Variants in INTS8 observed in about 807,000 individuals in gnomAD.
INTS8 encodes the protein integrator complex subunit 8, also known as protein kaonashi-1.
A neutral mutation model predicts 138.9 loss-of-function variants in INTS8; 47 were observed. The observed-to-expected ratio is 0.34, with a 90% CI of 0.27 to 0.43. The LOEUF (loss-of-function observed/expected upper bound fraction) is 0.43, where lower values mean the gene tolerates loss of function less well. Ranked by LOEUF, INTS8 falls within the 20% of genes least tolerant of loss-of-function variation. The probability of loss-of-function intolerance (pLI) is 1.00; values close to 1 mark genes in which losing one functional copy is unlikely to be tolerated. For missense variants in INTS8, 996 were observed against 1,173.0 expected, an observed-to-expected ratio of 0.85 and a Z score of 2.20; for synonymous variants, 392 against 400.9, an observed-to-expected ratio of 0.98 and a Z score of 0.27.
intron 20 of INTS8, 194 bp downstream of exon 20, chr8:94,867,531 T>C (rs1816225788): frequency 2.0e-6 from 1 of 491,498 alleles, no homozygotes; most frequent in African/African-American, 2.1e-5. Flanking sequence ...CTTTTTTTTT[T>C]TTTTTTTTTT....
chr8:94,831,937 G>T, intron 5 of INTS8, 55 bp from the exon 6 acceptor site: 1 of 1,407,246 alleles, frequency 7.1e-7, no homozygotes, highest in Non-Finnish European at 9.5e-7. Context: ...AATATTTTTG[G>T]TTATTATAAT....
At chr8:94,878,059 T>C (rs1350176963) in intron 26 of INTS8, among the ~76,000 whole-genome samples, 1 of 152,190 alleles carries the variant, frequency 6.6e-6, no homozygotes, top group Non-Finnish European at 1.5e-5. Flanking sequence ...TCTTGATCAA[T>C]ATTTTTAGCG....
Position 94,856,788 on chromosome 8 carries a change from T to G in INTS8, c.1764T>G (p.His588Gln), listed in dbSNP as rs770370880. ...LHCSTVKDFS[H>Q]AKQLFAACLE... ...TTTTCTTTTCATAGGACTTTTCCCA[T>G]GCTAAACAGCTCTTTGCTGCTTGTT... is the stretch of plus-strand genomic sequence containing the variant. Residue 588 changes from histidine to glutamine, a missense_variant, in exon 15 of 27, where the codon CAT becomes CAG. Physicochemically the swap from His to Gln is conservative, Grantham distance 24 (BLOSUM62 0). Transcript: ENST00000523731. 1 of 1,614,152 alleles carries G rather than the reference T, an allele frequency of 6.2e-7. No individual in the cohort carries two copies. The highest frequency in any genetic ancestry group is 8.5e-7 in the Non-Finnish European group (1 of 1,179,990).
chr8:94,839,408 G>A (rs1302773235), intron 8 of INTS8, among the ~76,000 whole-genome samples: 1 of 152,136 alleles, frequency 6.6e-6, no homozygotes, highest in Non-Finnish European at 1.5e-5. Context: ...ATTCATTCAT[G>A]TTTAACTCAA....
intron 8 of INTS8, among the ~76,000 whole-genome samples, chr8:94,840,592 C>G (rs1465803723): frequency 2.2e-5 from 3 of 133,570 alleles, no homozygotes; most frequent in Non-Finnish European, 4.6e-5. Context: ...GAGTCTCACT[C>G]TGTTGCCCAG....
At chr8:94,825,587 TGATA>T (rs1814469246) in intron 2 of INTS8, among the ~76,000 whole-genome samples, 1 of 152,124 alleles carries the variant, frequency 6.6e-6, no homozygotes, top group South Asian at 2.1e-4. Context: ...TAAAAATTAA[TGATA>T]GATGTTGTGT....
At chr8:94,869,600 C>T (rs1167827388) in intron 20 of INTS8, among the ~76,000 whole-genome samples, 1 of 152,072 alleles carries the variant, frequency 6.6e-6, no homozygotes, top group African/African-American at 2.4e-5. Context: ...TCAAGCAATT[C>T]TCCTGCCTCA....
intron 26 of INTS8, 81 bp downstream of exon 26, chr8:94,876,570 AG>A: frequency 1.2e-6 from 1 of 848,716 alleles, no homozygotes. Context: ...AACAAAAAAT[AG>A]ATTTTGTGTA....
In INTS8 at chr8:94,832,048, C is replaced by T. The variant is rs140588875; in HGVS notation, c.627C>T (p.Asn209=). 1.7e-4 allele frequency: 273 copies of T among 1,612,922 alleles called. No individual in the cohort carries two copies. The highest frequency in any genetic ancestry group is 4.9e-4 in the Middle Eastern group (3 of 6,076). The change falls in exon 6 of 27, where the codon AAC becomes AAT. Residue 209 remains asparagine, a synonymous_variant. Transcript: ENST00000523731. ...ILVLEAALKL[N]KDLYVHTMRT... ...TACTAGAAGCAGCCCTAAAATTAAA[C>T]AAGGATCTTTATGTCCATACGATGA...
intron 10 of INTS8, among the ~76,000 whole-genome samples, chr8:94,843,947 A>AT (rs1815232248): frequency 6.9e-6 from 1 of 144,266 alleles, no homozygotes; most frequent in South Asian, 2.2e-4. Context: ...TCTTCATTTA[A>AT]TTTTTACTCA....
At position 94,853,872 on chromosome 8, in the gene INTS8, T is replaced by C; in HGVS notation, c.1709T>C (p.Val570Ala). The C allele has an allele frequency of 6.2e-7, 1 of 1,610,440 alleles. No homozygotes were observed. Among genetic ancestry groups the C allele is most frequent in the Non-Finnish European group, 8.5e-7 (1 of 1,176,664 alleles). ...GIKDNLTRDL[V>A]YILMAKGLHC... Reference sequence around the variant, plus strand: ...AAAGACAATTTAACAAGAGATTTGGTTTATATTCTTATGGCCAAAGGTTTG... The same window carrying C: ...AAAGACAATTTAACAAGAGATTTGGCTTATATTCTTATGGCCAAAGGTTTG... Residue 570 changes from valine to alanine, a missense_variant, in exon 14 of 27, where the codon GTT becomes GCT. Coordinates refer to ENST00000523731, the MANE Select transcript of INTS8 (RefSeq NM_017864.4).
At chr8:94,879,463 C>T (rs1025975510) in intron 26 of INTS8, among the ~76,000 whole-genome samples, 12 of 151,706 alleles carry the variant, frequency 7.9e-5, no homozygotes, top group Non-Finnish European at 1.8e-4. Context: ...GACGAGATGG[C>T]GGGCGTCTGT....
chr8:94,878,664 CTG>C (rs1441363394), intron 26 of INTS8, among the ~76,000 whole-genome samples: 1 of 152,118 alleles, frequency 6.6e-6, no homozygotes, highest in Non-Finnish European at 1.5e-5. Flanking sequence ...TTTTTGTTGT[CTG>C]TGCCTCCACC....
rs368418645 is a variant in INTS8, at chr8:94,880,341, C to T, written c.*107C>T. 14 of 581,192 alleles carry T rather than the reference C, an allele frequency of 2.4e-5. No individual in the cohort carries two copies. The highest frequency in any genetic ancestry group is 1.9e-4 in the African/African-American group (10 of 52,620). 36.0% of individuals were successfully genotyped at this position (581,192 alleles called of 1,614,324 possible). A position where few individuals can be genotyped will look rare whatever the true frequency, so the allele number is the denominator to read the frequency against. On this transcript the variant is annotated 3_prime_UTR_variant, in exon 27 of 27. Transcript: ENST00000523731. ...ATATGTACACAATTAGTGGTGTTTTCTTTTCAGACAAAATACTGAAACAAA... is the reference window on the plus strand; with the variant it reads ...ATATGTACACAATTAGTGGTGTTTTTTTTTCAGACAAAATACTGAAACAAA...
Position 94,881,583 on chromosome 8 carries a change from GT to G in INTS8, c.*1351del. ...AAACTTTAGTAGTTCAGTGATACCA[GT>G]TCTACCCAATCTTGGTGAATTCCAA... On this transcript the variant is annotated 3_prime_UTR_variant, in exon 27 of 27. Coordinates refer to ENST00000523731, the MANE Select transcript of INTS8 (RefSeq NM_017864.4). 1 of 1,599,942 alleles carries G rather than the reference GT, an allele frequency of 6.3e-7. No homozygotes were observed. The highest frequency in any genetic ancestry group is 8.5e-7 in the Non-Finnish European group (1 of 1,171,492).
chr8:94,824,456 C>T (rs563291323), intron 1 of INTS8, among the ~76,000 whole-genome samples: 13 of 152,130 alleles, frequency 8.5e-5, no homozygotes, highest in Non-Finnish European at 1.9e-4. Context: ...TCAAAATGAT[C>T]CTCTATTTTG....
At position 94,880,626 on chromosome 8, in the gene INTS8, T is replaced by C. The variant is rs778101200; in HGVS notation, c.*392T>C. On this transcript the variant is annotated 3_prime_UTR_variant, in exon 27 of 27. Transcript: ENST00000523731. ...AGGAGTCAGTATATATTTAATACTC[T>C]TCTTCCTTAAGAAAATAGAAGTTTA... The C allele has an allele frequency of 2.4e-5, 9 of 372,666 alleles. No individual in the cohort carries two copies. Among genetic ancestry groups the C allele is most frequent in the Admixed American group, 9.0e-5 (2 of 22,144 alleles). The allele number at this position is 372,666 out of a possible 1,614,324, so 23.1% of individuals were successfully genotyped here.
chr8:94,823,322 G>T lies in INTS8; in HGVS notation c.-110G>T. 3 of 1,518,426 alleles carry T rather than the reference G, an allele frequency of 2.0e-6. No homozygotes were observed. The highest frequency in any genetic ancestry group is 1.8e-6 in the Non-Finnish European group (2 of 1,137,512). 94.1% of individuals were successfully genotyped at this position (1,518,426 alleles called of 1,614,324 possible). ...ATTGTGTGAGTTTCCGGGACGTTCG[G>T]AGGGTGGCCTCTCTCCCACCGGGTT... On this transcript the variant is annotated 5_prime_UTR_variant, in exon 1 of 27. Transcript: ENST00000523731.
intron 6 of INTS8, among the ~76,000 whole-genome samples, chr8:94,835,598 C>G (rs1243342678): frequency 5.5e-5 from 8 of 146,678 alleles, no homozygotes; most frequent in African/African-American, 1.8e-4. Flanking sequence ...GGAGGCAGAG[C>G]CTGCTTCTTT....
Sources: allele counts gnomAD v4.1 joint callset (sites outside exome capture counted in the v4.1 genomes callset), GRCh38; gene constraint gnomAD v4.1.1; transcripts MANE v1.5; gene names NCBI Gene and HGNC (gene_info 2026-07-23, HGNC 2026-07-21).